Variants in CMIP observed in about 807,000 individuals in gnomAD.
The protein encoded by CMIP is C-Maf-inducing protein.
A neutral mutation model predicts 97.3 loss-of-function variants in CMIP; 13 were observed. That is an observed-to-expected ratio of 0.13 (90% CI 0.09 to 0.21). The LOEUF (loss-of-function observed/expected upper bound fraction) is 0.21, where lower values mean the gene tolerates loss of function less well. Among genes scored for constraint, CMIP ranks in the 10% least tolerant of loss-of-function variants. The pLI is 1.00. For missense variants in CMIP, 847 were observed against 1,024.9 expected, an observed-to-expected ratio of 0.83 and a Z score of 2.37; for synonymous variants, 538 against 436.3, an observed-to-expected ratio of 1.23 and a Z score of -2.91.
intron 1 of CMIP, among the ~76,000 whole-genome samples, chr16:81,597,292 A>C (rs2091573235): frequency 6.6e-6 from 1 of 152,116 alleles, no homozygotes; most frequent in Non-Finnish European, 1.5e-5. Flanking sequence ...ATCATTTTTC[A>C]TCTTTTCCAT....
chr16:81,584,286 A>C (rs2091344391), intron 1 of CMIP, among the ~76,000 whole-genome samples: 1 of 152,206 alleles, frequency 6.6e-6, no homozygotes, highest in Non-Finnish European at 1.5e-5. Flanking sequence ...TTTGTTGAAC[A>C]ATGTGTCCGT....
intron 16 of CMIP, among the ~76,000 whole-genome samples, 190 bp downstream of exon 16, chr16:81,701,990 A>G (rs1041498794): frequency 6.6e-6 from 1 of 152,226 alleles, no homozygotes; most frequent in Non-Finnish European, 1.5e-5. Flanking sequence ...CAATCCCCAG[A>G]GTCACACAGC....
chr16:81,458,850 A>G (rs1200744576), intron 1 of CMIP, among the ~76,000 whole-genome samples: 1 of 152,202 alleles, frequency 6.6e-6, no homozygotes, highest in Admixed American at 6.5e-5. Context: ...GGGAGAATAC[A>G]TGGAATTCTG....
chr16:81,685,334 G>T (rs1461754570), intron 10 of CMIP, among the ~76,000 whole-genome samples: 1 of 152,144 alleles, frequency 6.6e-6, no homozygotes, highest in Non-Finnish European at 1.5e-5. Flanking sequence ...GTCTCCCACT[G>T]GACTGAGCAC....
intron 1 of CMIP, among the ~76,000 whole-genome samples, chr16:81,547,650 C>T (rs566329354): frequency 1.3e-5 from 2 of 152,132 alleles, no homozygotes; most frequent in East Asian, 1.9e-4. Context: ...AAGGGATCTC[C>T]TCAGAAGCCT....
intron 1 of CMIP, among the ~76,000 whole-genome samples, chr16:81,516,033 G>A (rs2089906936): frequency 6.6e-6 from 1 of 152,204 alleles, no homozygotes; most frequent in Admixed American, 6.5e-5. Context: ...CTGGCCTGCG[G>A]GTGGGGGCAG....
intron 20 of CMIP, among the ~76,000 whole-genome samples, chr16:81,709,294 A>G (rs531663367): frequency 1.1e-3 from 167 of 152,316 alleles, no homozygotes; most frequent in South Asian, 3.1e-3. Context: ...ATTTCCTTTC[A>G]TAGGGCATAT....
At position 81,711,267 on chromosome 16, in the gene CMIP, G is replaced by A. The variant is rs1375519167; in HGVS notation, c.*1468G>A. ...CCTCCAAACCTACCCCACAGTCAGT[G>A]TACTTGTTTTATATATATTTAATCT... On this transcript the variant is annotated 3_prime_UTR_variant, in exon 21 of 21. Coordinates refer to ENST00000537098, the MANE Select transcript of CMIP (RefSeq NM_198390.3). The A allele has an allele frequency of 2.0e-5, 3 of 152,164 alleles. No individual in the cohort carries two copies. The highest frequency in any genetic ancestry group is 4.8e-5 in the African/African-American group (2 of 41,284). The allele number at this position is 152,164 out of a possible 1,614,324, so 9.4% of individuals were successfully genotyped here. A position where few individuals can be genotyped will look rare whatever the true frequency, so the allele number is the denominator to read the frequency against.
At chr16:81,457,395 A>G (rs890139002) in intron 1 of CMIP, among the ~76,000 whole-genome samples, 3 of 152,166 alleles carry the variant, frequency 2.0e-5, no homozygotes, top group Admixed American at 6.5e-5. Context: ...AAATCCTCCC[A>G]GAATCCCACC....
chr16:81,522,492 C>T (rs773320657), intron 1 of CMIP, among the ~76,000 whole-genome samples: 22 of 152,332 alleles, frequency 1.4e-4, no homozygotes, highest in Admixed American at 3.9e-4. Flanking sequence ...ATTTAGTGAG[C>T]ACTGCATACT....
At chr16:81,492,202 G>A (rs1189708371) in intron 1 of CMIP, among the ~76,000 whole-genome samples, 2 of 152,218 alleles carry the variant, frequency 1.3e-5, no homozygotes, top group African/African-American at 4.8e-5. Context: ...CTTTCCCGCA[G>A]AGTGGAGCCC....
intron 2 of CMIP, among the ~76,000 whole-genome samples, chr16:81,612,514 G>T (rs1355341029): frequency 6.6e-6 from 1 of 152,196 alleles, no homozygotes; most frequent in African/African-American, 2.4e-5. Flanking sequence ...TCACTCTCTA[G>T]CTTCCAGTAA....
At chr16:81,622,250 A>G (rs1017381333) in intron 3 of CMIP, 2 of 152,212 alleles carry the variant, frequency 1.3e-5, no homozygotes, top group Non-Finnish European at 2.9e-5. Flanking sequence ...ACCTGTATGT[A>G]CTGGAAATTT....
intron 1 of CMIP, among the ~76,000 whole-genome samples, chr16:81,491,537 A>G (rs1316917788): frequency 6.6e-6 from 1 of 152,218 alleles, no homozygotes; most frequent in Non-Finnish European, 1.5e-5. Flanking sequence ...GGAACATGGA[A>G]GATAATTTAA....
At chr16:81,451,687 C>T (rs1469388718) in intron 1 of CMIP, among the ~76,000 whole-genome samples, 1 of 152,178 alleles carries the variant, frequency 6.6e-6, no homozygotes, top group Non-Finnish European at 1.5e-5. Context: ...GCCACTTGGT[C>T]TTCCCTGCAG....
chr16:81,625,334 C>A (rs537172724), intron 3 of CMIP, among the ~76,000 whole-genome samples: 1 of 152,366 alleles, frequency 6.6e-6, no homozygotes, highest in South Asian at 2.1e-4. Flanking sequence ...GGTGGTTCAG[C>A]CCTTGAGGCT....
At chr16:81,698,205 G>C (rs917495576) in intron 14 of CMIP, 10 of 152,256 alleles carry the variant, frequency 6.6e-5, no homozygotes, top group Admixed American at 2.0e-4. Flanking sequence ...GCCCCTTGAT[G>C]AGGCTGCTTT....
At chr16:81,481,103 T>C (rs1908233663) in intron 1 of CMIP, among the ~76,000 whole-genome samples, 1 of 152,182 alleles carries the variant, frequency 6.6e-6, no homozygotes, top group Non-Finnish European at 1.5e-5. Context: ...GTCCCTCCTA[T>C]TTGCGTTTGA....
rs981298632 is a variant in CMIP at position 81,710,238 on chromosome 16, G to A, written c.*439G>A. 1.9e-5 allele frequency: 4 copies of A among 211,058 alleles called. No homozygotes were observed. The highest frequency in any genetic ancestry group is 1.6e-4 in the Admixed American group (3 of 18,990). The allele number at this position is 211,058 out of a possible 1,614,324, so 13.1% of individuals were successfully genotyped here. A position where few individuals can be genotyped will look rare whatever the true frequency, so the allele number is the denominator to read the frequency against. ...GAGCTGAGCTGCGAACTCGCCCCCC[G>A]CCCTTGGGACAAGAAGACCCAGTCA... is the stretch of plus-strand genomic sequence containing the variant. On this transcript the variant is annotated 3_prime_UTR_variant, in exon 21 of 21. Transcript: ENST00000537098.
Sources: gnomAD v4.1 joint callset for allele counts (sites outside exome capture counted in the v4.1 genomes callset) on GRCh38, gnomAD v4.1.1 for gene constraint, MANE v1.5 for transcripts, NCBI Gene and HGNC (gene_info 2026-07-23, HGNC 2026-07-21) for gene names.